Variants in ZNF765 observed in about 807,000 individuals in gnomAD.
The protein encoded by ZNF765 is zinc finger protein 765.
A neutral mutation model predicts 44.7 loss-of-function variants in ZNF765; 37 were observed. That is an observed-to-expected ratio of 0.83 (90% CI 0.64 to 1.09). The LOEUF is 1.09. ZNF765 is among the 50% of genes least tolerant of loss of function. The probability of loss-of-function intolerance (pLI) is 0.00; values close to 1 mark genes in which losing one functional copy is unlikely to be tolerated. For missense variants in ZNF765, 594 were observed against 626.1 expected (o/e 0.95, Z 0.55); for synonymous variants, 201 against 213.7 (o/e 0.94, Z 0.52).
chr19:53,399,678 T>TA, intron 2 of ZNF765, among the ~76,000 whole-genome samples: 1 of 146,610 alleles, frequency 6.8e-6, no homozygotes, highest in African/African-American at 2.5e-5. Context: ...AGACTCCATC[T>TA]CAAAAAAAAA....
In ZNF765 at chr19:53,401,901, A is replaced by G. The variant is rs184234330; in HGVS notation, c.16-164A>G. 3.4e-4 allele frequency: 534 copies of G among 1,566,484 alleles called. 3 individuals are homozygous for G. In the African/African-American group the frequency reaches 6.6e-3, roughly 19 times the overall value. On this transcript the variant is annotated intron_variant, in intron 2 of 3. Coordinates refer to ENST00000396408, the MANE Select transcript of ZNF765 (RefSeq NM_001040185.3). ...TAAAAAAAAAAAAAAGAACTTTAGT[A>G]AACACAACTGGGAAGACAAAATGCG... is the stretch of plus-strand genomic sequence containing the variant.
chr19:53,410,431 A>T lies in ZNF765; in HGVS notation c.*1304A>T. On this transcript the variant is annotated 3_prime_UTR_variant, in exon 4 of 4. Transcript: ENST00000396408. ...TGGAGAGATAGCATAAAAATGTAAGAGTTTGTGACAAGGCTTTCAGGCATA... is the reference window on the plus strand; with the variant it reads ...TGGAGAGATAGCATAAAAATGTAAGTGTTTGTGACAAGGCTTTCAGGCATA... 2.9e-6 allele frequency: 1 copy of T among 339,780 alleles called. No homozygotes were observed. The highest frequency in any genetic ancestry group is 2.7e-5 in the South Asian group (1 of 37,040). The allele number at this position is 339,780 out of a possible 1,614,324, so 21.0% of individuals were successfully genotyped here. A position where few individuals can be genotyped will look rare whatever the true frequency, so the allele number is the denominator to read the frequency against.
intron 3 of ZNF765, among the ~76,000 whole-genome samples, chr19:53,406,219 G>T (rs1280322975): frequency 6.6e-6 from 1 of 151,276 alleles, no homozygotes; most frequent in Non-Finnish European, 1.5e-5. Flanking sequence ...TTAGTAGAGT[G>T]GGGATTTCAC....
At chr19:53,423,960 G>A (rs529161946) in exon 4 of ZNF765, 10 of 154,270 alleles carry the variant, frequency 6.5e-5, no homozygotes, top group African/African-American at 2.4e-4. Flanking sequence ...ATATAAGAAA[G>A]TCACGGTGCA....
intron 3 of ZNF765, among the ~76,000 whole-genome samples, chr19:53,419,945 A>C (rs1447976765): frequency 6.6e-6 from 1 of 152,076 alleles, no homozygotes; most frequent in African/African-American, 2.4e-5. Context: ...TCTTGAACCC[A>C]GGAAGGCGAA....
intron 3 of ZNF765, among the ~76,000 whole-genome samples, chr19:53,404,086 T>C (rs2085753687): frequency 6.6e-6 from 1 of 152,278 alleles, no homozygotes; most frequent in Non-Finnish European, 1.5e-5. Flanking sequence ...TATTTATTTC[T>C]TTGTTGATGA....
intron 1 of ZNF765, 148 bp downstream of exon 1, chr19:53,395,341 G>A (rs1157617325): frequency 6.6e-6 from 1 of 152,352 alleles, no homozygotes; most frequent in East Asian, 1.9e-4. Flanking sequence ...GAGAGTCCGG[G>A]GGTCGCTTCC....
intron 3 of ZNF765, among the ~76,000 whole-genome samples, chr19:53,419,586 G>T (rs1038605185): frequency 6.6e-6 from 1 of 152,122 alleles, no homozygotes; most frequent in African/African-American, 2.4e-5. Flanking sequence ...CTAATATCCG[G>T]CTCTGATCAC....
chr19:53,425,278 G>A (rs1318258215), exon 4 of ZNF765: 1 of 150,918 alleles, frequency 6.6e-6, no homozygotes, highest in Non-Finnish European at 1.5e-5. Flanking sequence ...AGTGGAATCA[G>A]CTTAGAAGTT....
At chr19:53,406,636 C>T (rs767749107) in intron 3 of ZNF765, among the ~76,000 whole-genome samples, 2 of 152,160 alleles carry the variant, frequency 1.3e-5, no homozygotes, top group South Asian at 2.1e-4. Context: ...ACAGTGCCAC[C>T]GGATGCTGTG....
At chr19:53,426,511 C>A (rs3929239) in exon 4 of ZNF765, 41,326 of 151,530 alleles carry the variant, frequency 0.27, 5,579 homozygotes, top group East Asian at 0.49. Flanking sequence ...TAATCTAGAC[C>A]AGGGATCCCC....
Position 53,409,507 on chromosome 19 carries a change from T to G in ZNF765, c.*380T>G. The G allele has an allele frequency of 2.0e-6, 2 of 999,236 alleles. No individual in the cohort carries two copies. The highest frequency in any genetic ancestry group is 2.1e-4 in the Middle Eastern group (1 of 4,740). 61.9% of individuals were successfully genotyped at this position (999,236 alleles called of 1,614,324 possible). On this transcript the variant is annotated 3_prime_UTR_variant, in exon 4 of 4. Transcript: ENST00000396408. ...CCAGACCTCATCCCTTACATGCCAT[T>G]GTAGACTTCGTACTGGAGAGAAACC...
intron 3 of ZNF765, among the ~76,000 whole-genome samples, chr19:53,403,841 CA>C (rs57144770): frequency 0.96 from 134,525 of 140,322 alleles, 64,444 homozygotes; most frequent in Middle Eastern, 0.99. Context: ...GACTCTGTCT[CA>C]AAAAAAAAAA....
chr19:53,413,882 A>C (rs546725796), downstream of ZNF765, among the ~76,000 whole-genome samples: 2 of 150,634 alleles, frequency 1.3e-5, no homozygotes, highest in Non-Finnish European at 3.0e-5. Flanking sequence ...GAACTGCAGC[A>C]GACAAACCTG....
downstream of ZNF765, among the ~76,000 whole-genome samples, chr19:53,414,013 G>C (rs1417113203): frequency 6.6e-6 from 1 of 151,128 alleles, no homozygotes; most frequent in East Asian, 2.0e-4. Context: ...GGCTGAGGCG[G>C]GCGGATCACC....
chr19:53,414,984 CTGAT>C (rs1162824390), downstream of ZNF765, among the ~76,000 whole-genome samples: 2 of 152,192 alleles, frequency 1.3e-5, no homozygotes, highest in African/African-American at 4.8e-5. Context: ...GAAAACATCA[CTGAT>C]TGGCCACGCA....
In ZNF765 at chr19:53,410,602, T is replaced by G. The variant is rs2085824502; in HGVS notation, c.*1475T>G. 2 of 463,074 alleles carry G rather than the reference T, an allele frequency of 4.3e-6. No individual in the cohort carries two copies. The highest frequency in any genetic ancestry group is 4.9e-5 in the Admixed American group (2 of 40,732). 28.7% of individuals were successfully genotyped at this position (463,074 alleles called of 1,614,324 possible). A position where few individuals can be genotyped will look rare whatever the true frequency, so the allele number is the denominator to read the frequency against. On this transcript the variant is annotated 3_prime_UTR_variant, in exon 4 of 4. Coordinates refer to ENST00000396408, the MANE Select transcript of ZNF765 (RefSeq NM_001040185.3). Reference sequence around the variant, plus strand: ...AGGGAAACTTTACTTATGTAATGATTGTCACAAAGTCTTCAGTTACACTAC... The same window carrying G: ...AGGGAAACTTTACTTATGTAATGATGGTCACAAAGTCTTCAGTTACACTAC...
intron 3 of ZNF765, among the ~76,000 whole-genome samples, chr19:53,420,362 C>A (rs1464306714): frequency 6.6e-6 from 1 of 152,062 alleles, no homozygotes; most frequent in Non-Finnish European, 1.5e-5. Flanking sequence ...TAAATGTAAT[C>A]AAATCCAAAT....
chr19:53,414,483 ACACACACCCCCCCCC>A (rs2085861422), downstream of ZNF765, among the ~76,000 whole-genome samples: 1 of 4,874 alleles, frequency 2.1e-4, no homozygotes, highest in African/African-American at 1.4e-3. Flanking sequence ...ACACACACAC[ACACACACCCCCCCCC>A]CCCCCCCCCC....
Sources: allele counts gnomAD v4.1 joint callset (sites outside exome capture counted in the v4.1 genomes callset), GRCh38; gene constraint gnomAD v4.1.1; transcripts MANE v1.5; gene names NCBI Gene and HGNC (gene_info 2026-07-23, HGNC 2026-07-21).